The following LRRK1 variants were observed in gnomAD, a reference collection of about 807,000 sequenced individuals.
LRRK1 encodes leucine rich repeat kinase 1.
Under a neutral mutation model 209.1 loss-of-function variants are expected in LRRK1, and 113 were observed. The ratio of observed to expected loss-of-function variants is 0.54; its 90% CI spans 0.46 to 0.63. The LOEUF (loss-of-function observed/expected upper bound fraction) is 0.63, where lower values mean the gene tolerates loss of function less well. Among genes scored for constraint, LRRK1 ranks in the 30% least tolerant of loss-of-function variants. LRRK1 has a pLI of 0.00. For synonymous variants in LRRK1, 1,144 were observed against 1,099.7 expected, an observed-to-expected ratio of 1.04 and a Z score of -0.80; for missense variants, 2,284 against 2,632.2, an observed-to-expected ratio of 0.87 and a Z score of 2.89.
At chr15:100,982,084 C>A (rs1295849482) in intron 3 of LRRK1, among the ~76,000 whole-genome samples, 2 of 151,848 alleles carry the variant, frequency 1.3e-5, no homozygotes, top group Non-Finnish European at 1.5e-5. Context: ...ATCCTGAGTG[C>A]CCAGTCCCAC....
intron 20 of LRRK1, among the ~76,000 whole-genome samples, chr15:101,030,329 C>G (rs925909454): frequency 6.6e-6 from 1 of 152,080 alleles, no homozygotes; most frequent in African/African-American, 2.4e-5. Flanking sequence ...CTCAGCAGGC[C>G]CCTCCCCTGC....
chr15:101,025,774 C>T (rs1224768718), intron 16 of LRRK1, among the ~76,000 whole-genome samples, 191 bp from the exon 17 acceptor site: 1 of 152,218 alleles, frequency 6.6e-6, no homozygotes, highest in Non-Finnish European at 1.5e-5. Flanking sequence ...GCCTCACCTC[C>T]AACACTGGGG....
At chr15:101,041,517 C>T (rs2034755931) in intron 20 of LRRK1, among the ~76,000 whole-genome samples, 1 of 152,102 alleles carries the variant, frequency 6.6e-6, no homozygotes, top group Non-Finnish European at 1.5e-5. Context: ...TTTGGCCATT[C>T]TTCCTGGTAC....
At chr15:101,033,669 G>A (rs2034377841) in intron 20 of LRRK1, among the ~76,000 whole-genome samples, 1 of 152,114 alleles carries the variant, frequency 6.6e-6, no homozygotes, top group South Asian at 2.1e-4. Flanking sequence ...TTTCTCCATT[G>A]ATGGACACTT....
At chr15:101,017,213 G>A (rs2033579722) in intron 12 of LRRK1, among the ~76,000 whole-genome samples, 2 of 150,706 alleles carry the variant, frequency 1.3e-5, no homozygotes, top group South Asian at 2.1e-4. Context: ...ATGAGGTAGG[G>A]ATGAGTGACG....
intron 3 of LRRK1, among the ~76,000 whole-genome samples, chr15:100,974,492 C>T (rs1051686008): frequency 3.3e-5 from 5 of 152,180 alleles, no homozygotes; most frequent in Non-Finnish European, 7.3e-5. Flanking sequence ...GGTGATGCAG[C>T]TGCTGCTCGT....
intron 29 of LRRK1, among the ~76,000 whole-genome samples, chr15:101,060,354 C>G (rs974258688): frequency 6.6e-6 from 1 of 152,124 alleles, no homozygotes; most frequent in Non-Finnish European, 1.5e-5. Context: ...AAAGTAAAAG[C>G]TATTCAAATA....
At chr15:101,028,193 C>T (rs1204714162) in intron 19 of LRRK1, among the ~76,000 whole-genome samples, 2 of 152,204 alleles carry the variant, frequency 1.3e-5, no homozygotes, top group Non-Finnish European at 2.9e-5. Flanking sequence ...AGAGACGCAG[C>T]GTTGGGCTCC....
In LRRK1 at chr15:101,065,891, C is replaced by G; in HGVS notation, c.5454C>G (p.Ile1818Met). 1.2e-6 allele frequency: 2 copies of G among 1,614,152 alleles called. No individual in the cohort carries two copies. Among genetic ancestry groups the G allele is most frequent in the Non-Finnish European group, 1.7e-6 (2 of 1,180,022 alleles). The stretch of plus-strand genomic sequence containing the variant: ...GGGACTCCATCGCGGACGTGAGCAT[C>G]ATGTACAGTGAGGAGCTGGGCACGC... The part of the protein sequence containing the change: ...PEGDSIADVS[I>M]MYSEELGTQI... Residue 1818 changes from isoleucine to methionine, a missense_variant, in exon 32 of 34, where the codon ATC becomes ATG. Transcript: ENST00000388948.
chr15:101,067,304 A>G (rs1434244865), intron 33 of LRRK1: 1 of 456,114 alleles, frequency 2.2e-6, no homozygotes, highest in East Asian at 6.9e-5. Flanking sequence ...CATGGTCTAC[A>G]TGGTTGCAGT....
intron 6 of LRRK1, chr15:100,989,609 G>A: frequency 6.8e-6 from 4 of 585,170 alleles, no homozygotes; most frequent in South Asian, 4.5e-5. Flanking sequence ...ACTGAGAGAG[G>A]GAAGAACTCA....
At chr15:100,928,993 G>A (rs2042162415) in intron 2 of LRRK1, among the ~76,000 whole-genome samples, 1 of 152,220 alleles carries the variant, frequency 6.6e-6, no homozygotes, top group African/African-American at 2.4e-5. Flanking sequence ...TTTGATGGGC[G>A]TAGAGTTTGC....
chr15:101,029,185 C>A lies in LRRK1; in HGVS notation c.2916C>A (p.Phe972Leu), dbSNP rs1178431017. The change falls in exon 20 of 34, where the codon TTC (phenylalanine) becomes TTA (leucine). Residue 972 changes from phenylalanine to leucine, a missense_variant. Phe to Leu is a conservative substitution (Grantham distance 22). This residue lies in a region of LRRK1 where 780 missense variants were observed against 985.2 expected (regional missense o/e 0.79). Transcript: ENST00000388948. ...CGCAGCAGACGGAAGAGCAGTACTT[C>A]CAGTTCCTGGCCAAGTTTGAGATCG... ...GFTQQTEEQY[F>L]QFLAKFEIAL... 1 of 1,613,676 alleles carries A rather than the reference C, an allele frequency of 6.2e-7. No homozygotes were observed. The highest frequency in any genetic ancestry group is 1.3e-5 in the African/African-American group (1 of 74,922).
chr15:100,983,414 C>A, intron 3 of LRRK1, 114 bp from the exon 4 acceptor site: 1 of 977,166 alleles, frequency 1.0e-6, no homozygotes, highest in Non-Finnish European at 1.5e-6. Flanking sequence ...TGCTGCCGTT[C>A]TGGACAACAC....
chr15:101,031,969 C>G (rs879476425), intron 20 of LRRK1, among the ~76,000 whole-genome samples: 1 of 152,164 alleles, frequency 6.6e-6, no homozygotes, highest in Non-Finnish European at 1.5e-5. Flanking sequence ...CTCCTGACCT[C>G]GTGATCCGCC....
intron 6 of LRRK1, among the ~76,000 whole-genome samples, chr15:101,004,511 A>G (rs1361387475): frequency 1.3e-5 from 2 of 152,212 alleles, no homozygotes; most frequent in Non-Finnish European, 2.9e-5. Context: ...TGAGCTGCAG[A>G]GGCAGCCAGG....
chr15:100,981,277 C>T (rs919676766), intron 3 of LRRK1, among the ~76,000 whole-genome samples: 3 of 152,174 alleles, frequency 2.0e-5, no homozygotes, highest in Non-Finnish European at 4.4e-5. Flanking sequence ...AAGCCTCTAA[C>T]CGACCGAGTC....
chr15:101,020,983 C>A, intron 12 of LRRK1, 70 bp from the exon 13 acceptor site: 10 of 1,584,492 alleles, frequency 6.3e-6, no homozygotes, highest in Non-Finnish European at 8.6e-6. Flanking sequence ...TTTATACGCC[C>A]ACCTGGTCAC....
chr15:101,032,329 C>T (rs1256295618), intron 20 of LRRK1, among the ~76,000 whole-genome samples: 3 of 151,962 alleles, frequency 2.0e-5, no homozygotes, highest in South Asian at 2.1e-4. Flanking sequence ...ATGTGCACAA[C>T]GTGCAGGTTT....
Sources: allele counts gnomAD v4.1 joint callset (sites outside exome capture counted in the v4.1 genomes callset), GRCh38; gene constraint gnomAD v4.1.1; regional missense constraint gnomAD v4.1.1; transcripts MANE v1.5; gene names NCBI Gene and HGNC (gene_info 2026-07-23, HGNC 2026-07-21).